CLOCK: variants seen among roughly 807,000 people sequenced by gnomAD.
CLOCK encodes circadian locomoter output cycles protein kaput.
Under a neutral mutation model 118.4 loss-of-function variants are expected in CLOCK, and 43 were observed. That is an observed-to-expected ratio of 0.36 (90% CI 0.28 to 0.47). The LOEUF is 0.47. Ranked by LOEUF, CLOCK falls within the 20% of genes least tolerant of loss-of-function variation. The pLI, the probability that CLOCK is intolerant of heterozygous loss-of-function variation, is 1.00. For missense variants in CLOCK, 846 were observed against 999.9 expected, an observed-to-expected ratio of 0.85 and a Z score of 2.08; for synonymous variants, 326 against 339.2, an observed-to-expected ratio of 0.96 and a Z score of 0.43.
At chr4:55,498,107 G>C (rs1728201313) in intron 2 of CLOCK, among the ~76,000 whole-genome samples, 1 of 152,114 alleles carries the variant, frequency 6.6e-6, no homozygotes, top group African/African-American at 2.4e-5. Context: ...TTCATGAGTT[G>C]TTTAATAACA....
intron 1 of CLOCK, among the ~76,000 whole-genome samples, chr4:55,534,010 G>T (rs958801901): frequency 6.6e-6 from 1 of 152,110 alleles, no homozygotes; most frequent in African/African-American, 2.4e-5. Flanking sequence ...GTAAACTCTC[G>T]ATGTTTTCCT....
intron 15 of CLOCK, chr4:55,452,834 T>C (rs1724585846): frequency 7.0e-6 from 3 of 425,572 alleles, no homozygotes; most frequent in Admixed American, 7.4e-5. Flanking sequence ...GAATAAATGG[T>C]AGTTTTGAGA....
At chr4:55,511,080 A>C (rs1323470331) in intron 1 of CLOCK, among the ~76,000 whole-genome samples, 2 of 152,184 alleles carry the variant, frequency 1.3e-5, no homozygotes, top group Non-Finnish European at 2.9e-5. Context: ...CCAATAGCTG[A>C]CCTTGCCATG....
chr4:55,454,630 A>AT (rs1724775871), intron 13 of CLOCK, among the ~76,000 whole-genome samples: 1 of 149,192 alleles, frequency 6.7e-6, no homozygotes, highest in African/African-American at 2.4e-5. Context: ...AAAAAAAAAA[A>AT]AAAAAAAAGG....
In CLOCK at chr4:55,471,084, A is replaced by G. The variant is rs373431083; in HGVS notation, c.349-278T>C. ...CTACCTTCATCACTAGGTATATTAC[A>G]TGATCCAATCATGTATATACAGTAT... On this transcript the variant is annotated intron_variant, in intron 7 of 22. Coordinates refer to ENST00000513440, the MANE Select transcript of CLOCK (RefSeq NM_004898.4). 2.6e-5 allele frequency among the ~76,000 whole-genome samples: 4 copies of G among 152,228 alleles called. No individual in the cohort carries two copies. The East Asian group carries it at 7.7e-4, about 29-fold the overall frequency.
intron 1 of CLOCK, among the ~76,000 whole-genome samples, chr4:55,541,926 A>C (rs1394565971): frequency 6.9e-6 from 1 of 145,734 alleles, no homozygotes; most frequent in African/African-American, 2.5e-5. Context: ...ATTCTCCCTC[A>C]AAATCCCATG....
chr4:55,452,677 T>C (rs17085747), intron 15 of CLOCK: 3,224 of 197,258 alleles, frequency 0.016, 104 homozygotes, highest in African/African-American at 0.071. Flanking sequence ...CCAGTGTCTT[T>C]AGGGAAGATT....
At chr4:55,531,837 C>G (rs949937734) in intron 1 of CLOCK, among the ~76,000 whole-genome samples, 1 of 141,606 alleles carries the variant, frequency 7.1e-6, no homozygotes, top group Non-Finnish European at 1.5e-5. Context: ...AAAAACCAGA[C>G]AAAGATACCA....
intron 8 of CLOCK, among the ~76,000 whole-genome samples, chr4:55,467,555 T>C (rs1443504896): frequency 6.6e-6 from 1 of 152,230 alleles, no homozygotes; most frequent in Non-Finnish European, 1.5e-5. Context: ...CAAATGATGC[T>C]CTATGACTAG....
chr4:55,456,122 G>T, intron 12 of CLOCK, 96 bp downstream of exon 12: 2 of 1,308,468 alleles, frequency 1.5e-6, no homozygotes, highest in Non-Finnish European at 1.1e-6. Context: ...AGGTTTCAAA[G>T]TCCTAATTTA....
At chr4:55,502,287 C>T (rs1024923220) in intron 2 of CLOCK, among the ~76,000 whole-genome samples, 2 of 152,044 alleles carry the variant, frequency 1.3e-5, no homozygotes, top group Non-Finnish European at 2.9e-5. Context: ...TTCTGAAGAA[C>T]AAATTAGAGG....
chr4:55,481,912 T>C (rs1379370443), intron 4 of CLOCK, among the ~76,000 whole-genome samples: 2 of 152,254 alleles, frequency 1.3e-5, no homozygotes, highest in African/African-American at 4.8e-5. Context: ...AAAAGTATTC[T>C]GTACATTTGC....
chr4:55,438,613 C>G (rs943860093), intron 21 of CLOCK, 76 bp from the exon 22 acceptor site: 1 of 1,604,548 alleles, frequency 6.2e-7, no homozygotes, highest in Non-Finnish European at 8.5e-7. Context: ...GGAGTAAATA[C>G]TTACCTAAGA....
intron 18 of CLOCK, 62 bp from the exon 19 acceptor site, chr4:55,444,847 C>T (rs1368050247): frequency 6.6e-7 from 1 of 1,523,340 alleles, no homozygotes; most frequent in Admixed American, 1.8e-5. Flanking sequence ...CTTATAATTG[C>T]ACAACATGAA....
At chr4:55,526,993 TA>T (rs1347313160) in intron 1 of CLOCK, among the ~76,000 whole-genome samples, 79 of 126,218 alleles carry the variant, frequency 6.3e-4, no homozygotes, top group Admixed American at 7.9e-4. Context: ...AGGCAACAAT[TA>T]AAAAAAAAAA....
In CLOCK at chr4:55,438,470, C is replaced by G; in HGVS notation, c.2173G>C (p.Val725Leu). 6.2e-7 allele frequency: 1 copy of G among 1,613,838 alleles called. No homozygotes were observed. Residue 725 changes from valine (V) to leucine (L), a missense_variant, in exon 22 of 23, where the codon GTA becomes CTA. Physicochemically the swap from Val to Leu is conservative, Grantham distance 32 (BLOSUM62 1). Transcript: ENST00000513440. ...TAPVACGAVM[V>L]PSTMLMGQVV... ...TGGCCCATAAGCATAGTACTAGGTA[C>G]CATGACTGCCCCACAAGCTACAGGA...
intron 2 of CLOCK, among the ~76,000 whole-genome samples, chr4:55,492,832 G>A (rs76842992): frequency 0.034 from 5,121 of 152,168 alleles, 102 homozygotes; most frequent in Non-Finnish European, 0.054. Context: ...GTGACAGAGC[G>A]AGATTCTGTC....
intron 2 of CLOCK, among the ~76,000 whole-genome samples, chr4:55,490,022 C>CT (rs1015191194): frequency 1.3e-5 from 2 of 151,854 alleles, no homozygotes; most frequent in African/African-American, 4.8e-5. Context: ...AAGCCCTTCT[C>CT]TATCAGTAAT....
At chr4:55,442,280 C>T in intron 21 of CLOCK, 152 bp downstream of exon 21, 1 of 713,836 alleles carries the variant, frequency 1.4e-6, no homozygotes, top group Non-Finnish European at 2.4e-6. Context: ...ACAATGAATA[C>T]ATTCAGTGTT....
Sources: allele counts gnomAD v4.1 joint callset (sites outside exome capture counted in the v4.1 genomes callset), GRCh38; gene constraint gnomAD v4.1.1; transcripts MANE v1.5; gene names NCBI Gene and HGNC (gene_info 2026-07-23, HGNC 2026-07-21).